KHDRBS3: variants seen among roughly 807,000 people sequenced by gnomAD.
KHDRBS3 encodes the protein KH domain-containing, RNA-binding, signal transduction-associated protein 3.
In KHDRBS3, 23 loss-of-function variants were observed where a neutral mutation model predicts 45.6. The ratio of observed to expected loss-of-function variants is 0.50; its 90% confidence interval spans 0.36 to 0.72. The LOEUF (loss-of-function observed/expected upper bound fraction) is 0.72, where lower values mean the gene tolerates loss of function less well. Ranked by LOEUF, KHDRBS3 falls within the 30% of genes least tolerant of loss-of-function variation. The probability of loss-of-function intolerance (pLI) is 0.00; values close to 1 mark genes in which losing one functional copy is unlikely to be tolerated. For missense variants in KHDRBS3, 352 were observed against 424.8 expected, an observed-to-expected ratio of 0.83 and a Z score of 1.51; for synonymous variants, 162 against 156.5, an observed-to-expected ratio of 1.04 and a Z score of -0.26.
intron 7 of KHDRBS3, among the ~76,000 whole-genome samples, chr8:135,635,688 G>C (rs943640958): frequency 6.6e-6 from 1 of 152,152 alleles, no homozygotes; most frequent in African/African-American, 2.4e-5. Flanking sequence ...CGGCCTGGCA[G>C]GTAGTAGTTT....
chr8:135,554,551 A>T (rs2130819999), intron 4 of KHDRBS3, among the ~76,000 whole-genome samples: 1 of 152,292 alleles, frequency 6.6e-6, no homozygotes, highest in Non-Finnish European at 1.5e-5. Flanking sequence ...GTTTCCCCTG[A>T]GGTCACAATA....
At chr8:135,462,265 T>A (rs1452658403) in intron 1 of KHDRBS3, among the ~76,000 whole-genome samples, 4 of 151,260 alleles carry the variant, frequency 2.6e-5, no homozygotes, top group African/African-American at 9.8e-5. Context: ...GAAAATGCGA[T>A]CACTCACAGT....
intron 1 of KHDRBS3, among the ~76,000 whole-genome samples, chr8:135,481,223 G>GAGATATAT (rs376347444): frequency 1.6e-4 from 12 of 77,408 alleles, no homozygotes; most frequent in African/African-American, 5.3e-4. Flanking sequence ...TGAAAGCCAC[G>GAGATATAT]ATATATATAT....
intron 1 of KHDRBS3, among the ~76,000 whole-genome samples, chr8:135,482,020 T>A (rs1361568453): frequency 6.6e-6 from 1 of 152,182 alleles, no homozygotes; most frequent in Non-Finnish European, 1.5e-5. Flanking sequence ...AATTTGTTGT[T>A]CCTTGATACT....
intron 5 of KHDRBS3, among the ~76,000 whole-genome samples, chr8:135,565,264 TAGAGGGAAGGAATGAAGAGGTGAGAGG>T (rs1431535413): frequency 1.3e-5 from 2 of 152,100 alleles, no homozygotes; most frequent in Admixed American, 6.5e-5. Flanking sequence ...GGAGTTTCTT[TAGAGGGAAGGAATGAAGAGGTGAGAGG>T]GGAGGGAAGG....
At chr8:135,516,700 C>T (rs1319188297) in intron 1 of KHDRBS3, among the ~76,000 whole-genome samples, 2 of 151,898 alleles carry the variant, frequency 1.3e-5, no homozygotes, top group East Asian at 3.9e-4. Context: ...TGTGCTCTAG[C>T]CTACTTACCC....
downstream of KHDRBS3, among the ~76,000 whole-genome samples, chr8:135,648,288 C>G (rs527521045): frequency 6.6e-6 from 1 of 152,004 alleles, no homozygotes; most frequent in Non-Finnish European, 1.5e-5. Flanking sequence ...ATCTAAAAAG[C>G]CTTAGTTTAG....
intron 1 of KHDRBS3, among the ~76,000 whole-genome samples, chr8:135,500,016 G>A (rs1421809590): frequency 6.6e-6 from 1 of 152,064 alleles, no homozygotes; most frequent in Admixed American, 6.6e-5. Flanking sequence ...CTATATAATG[G>A]CTATAATTAC....
intron 3 of KHDRBS3, among the ~76,000 whole-genome samples, chr8:135,547,479 A>G (rs999548022): frequency 4.6e-5 from 7 of 152,212 alleles, no homozygotes; most frequent in Admixed American, 1.3e-4. Flanking sequence ...CAGTCTGTCT[A>G]AACTCACATG....
intron 1 of KHDRBS3, among the ~76,000 whole-genome samples, chr8:135,481,898 A>G (rs2130327701): frequency 6.6e-6 from 1 of 152,312 alleles, no homozygotes; most frequent in South Asian, 2.1e-4. Flanking sequence ...GCAGGCTTGC[A>G]GCCTGTCACC....
chr8:135,607,636 TTTC>T (rs1346883655), intron 7 of KHDRBS3, among the ~76,000 whole-genome samples: 1 of 152,228 alleles, frequency 6.6e-6, no homozygotes, highest in Non-Finnish European at 1.5e-5. Flanking sequence ...GAACTTAGTG[TTTC>T]TTATGTTGAG....
chr8:135,482,462 A>C (rs919339440), intron 1 of KHDRBS3, among the ~76,000 whole-genome samples: 2 of 152,168 alleles, frequency 1.3e-5, no homozygotes, highest in African/African-American at 4.8e-5. Flanking sequence ...CTTGGTTACC[A>C]GACTGGTTTC....
At chr8:135,476,114 C>G (rs1160603476) in intron 1 of KHDRBS3, among the ~76,000 whole-genome samples, 1 of 152,022 alleles carries the variant, frequency 6.6e-6, no homozygotes, top group African/African-American at 2.4e-5. Flanking sequence ...ATTGACTTGA[C>G]AAATTTTCTT....
chr8:135,478,740 G>A (rs1485284374), intron 1 of KHDRBS3, among the ~76,000 whole-genome samples: 1 of 152,066 alleles, frequency 6.6e-6, no homozygotes, highest in Non-Finnish European at 1.5e-5. Context: ...AGCCAAAAAA[G>A]AACTCATAAG....
At chr8:135,543,474 A>T (rs1299479604) in intron 3 of KHDRBS3, among the ~76,000 whole-genome samples, 1 of 152,194 alleles carries the variant, frequency 6.6e-6, no homozygotes, top group East Asian at 1.9e-4. Context: ...ACATTGAGTG[A>T]TCACATACCG....
chr8:135,555,756 A>T (rs566914754), intron 4 of KHDRBS3, among the ~76,000 whole-genome samples: 2 of 152,224 alleles, frequency 1.3e-5, no homozygotes, highest in East Asian at 3.9e-4. Context: ...GTTTTTTATT[A>T]TACTTTAAGT....
intron 7 of KHDRBS3, among the ~76,000 whole-genome samples, chr8:135,642,862 A>G (rs1831121817): frequency 6.7e-6 from 1 of 149,326 alleles, no homozygotes; most frequent in Non-Finnish European, 1.5e-5. Flanking sequence ...GCACAATCTC[A>G]GCTCACTGCA....
At chr8:135,494,226 A>G (rs1823300519) in intron 1 of KHDRBS3, among the ~76,000 whole-genome samples, 1 of 147,614 alleles carries the variant, frequency 6.8e-6, no homozygotes. Context: ...TTGTACTTGT[A>G]ATTTCTTTGG....
chr8:135,526,206 G>A (rs1825177269), intron 2 of KHDRBS3, among the ~76,000 whole-genome samples: 1 of 152,076 alleles, frequency 6.6e-6, no homozygotes. Context: ...TTCTCGGAAT[G>A]TGTTCACATC....
Sources: allele counts gnomAD v4.1 joint callset (sites outside exome capture counted in the v4.1 genomes callset), GRCh38; gene constraint gnomAD v4.1.1; transcripts MANE v1.5; gene names NCBI Gene and HGNC (gene_info 2026-07-23, HGNC 2026-07-21).